Variants in NAALADL2 observed in about 807,000 individuals in gnomAD.
The protein encoded by NAALADL2 is N-acetylated alpha-linked acidic dipeptidase like 2.
Under a neutral mutation model 87.2 loss-of-function variants are expected in NAALADL2, and 76 were observed. The observed-to-expected ratio is 0.87, with a 90% CI of 0.72 to 1.05. NAALADL2 has a LOEUF of 1.05. NAALADL2 is among the 50% of genes least tolerant of loss of function. The pLI, the probability that NAALADL2 is intolerant of heterozygous loss-of-function variation, is 0.00. For missense variants in NAALADL2, 1,089 were observed against 945.8 expected (o/e 1.15, Z -1.99); for synonymous variants, 354 against 331.0 (o/e 1.07, Z -0.75).
chr3:175,293,452 T>A (rs1163434975), intron 4 of NAALADL2, among the ~76,000 whole-genome samples: 1 of 152,248 alleles, frequency 6.6e-6, no homozygotes, highest in Admixed American at 6.5e-5. Context: ...AACTGTTTTT[T>A]CTTCTGAGCA....
intron 2 of NAALADL2, among the ~76,000 whole-genome samples, chr3:175,200,409 G>A (rs1739851716): frequency 6.6e-6 from 1 of 151,726 alleles, no homozygotes; most frequent in African/African-American, 2.4e-5. Context: ...AAGCAAAAAA[G>A]TGTTTAAACA....
intron 3 of NAALADL2, among the ~76,000 whole-genome samples, chr3:174,823,017 A>G (rs1721596320): frequency 6.6e-6 from 1 of 152,214 alleles, no homozygotes; most frequent in African/African-American, 2.4e-5. Context: ...CTTGAATATA[A>G]TATTTCGGTA....
At chr3:175,389,301 T>C (rs1180594108) in intron 5 of NAALADL2, among the ~76,000 whole-genome samples, 1 of 152,186 alleles carries the variant, frequency 6.6e-6, no homozygotes, top group Admixed American at 6.5e-5. Context: ...CTCTAATTAC[T>C]GGCAACGACG....
At chr3:175,600,607 G>A (rs1722843042) in intron 10 of NAALADL2, among the ~76,000 whole-genome samples, 2 of 125,086 alleles carry the variant, frequency 1.6e-5, no homozygotes, top group East Asian at 2.7e-4. Flanking sequence ...GCGCGATCTC[G>A]GCTCACTGCA....
intron 2 of NAALADL2, among the ~76,000 whole-genome samples, chr3:174,586,778 T>G (rs1716769933): frequency 6.6e-6 from 1 of 152,156 alleles, no homozygotes; most frequent in East Asian, 1.9e-4. Context: ...AAGGTATGCT[T>G]ATGTTATTGC....
At chr3:175,411,768 C>G (rs1314074214) in intron 5 of NAALADL2, among the ~76,000 whole-genome samples, 2 of 151,988 alleles carry the variant, frequency 1.3e-5, no homozygotes, top group Admixed American at 1.3e-4. Context: ...TGGTAATGAA[C>G]TATTTTAAAA....
intron 2 of NAALADL2, among the ~76,000 whole-genome samples, chr3:174,697,034 A>G (rs919799499): frequency 6.6e-6 from 1 of 152,198 alleles, no homozygotes; most frequent in Non-Finnish European, 1.5e-5. Flanking sequence ...TTTAAATTGT[A>G]AAAGCATTTC....
chr3:175,116,332 C>T (rs1375768008), intron 2 of NAALADL2, among the ~76,000 whole-genome samples: 2 of 152,008 alleles, frequency 1.3e-5, no homozygotes, highest in Non-Finnish European at 2.9e-5. Flanking sequence ...ATTTAGAAAA[C>T]CCCATCATCT....
chr3:174,749,102 A>C (rs1312346689), intron 3 of NAALADL2, among the ~76,000 whole-genome samples: 1 of 152,064 alleles, frequency 6.6e-6, no homozygotes, highest in African/African-American at 2.4e-5. Flanking sequence ...ATATGCTTTC[A>C]CATCCCCTGT....
chr3:175,463,512 T>A lies in NAALADL2; in HGVS notation c.1327+19T>A. ...TCTCCAGGTAAGTAGGGTTGAAAAT[T>A]TATAATCTACACTTTATATGAAACT... On this transcript the variant is annotated intron_variant, in intron 7 of 13. Transcript: ENST00000454872. 1 of 1,334,786 alleles carries A rather than the reference T, an allele frequency of 7.5e-7. No homozygotes were observed. Among genetic ancestry groups the A allele is most frequent in the Non-Finnish European group, 1.1e-6 (1 of 946,590 alleles). The allele number at this position is 1,334,786 out of a possible 1,614,324, so 82.7% of individuals were successfully genotyped here.
chr3:175,258,021 C>T (rs1432568766), intron 4 of NAALADL2, among the ~76,000 whole-genome samples: 1 of 151,788 alleles, frequency 6.6e-6, no homozygotes, highest in Non-Finnish European at 1.5e-5. Flanking sequence ...TTAAATGAAA[C>T]GATGGGGCCA....
chr3:174,814,373 C>G (rs912754367), intron 3 of NAALADL2, among the ~76,000 whole-genome samples: 3 of 152,082 alleles, frequency 2.0e-5, no homozygotes, highest in African/African-American at 7.2e-5. Flanking sequence ...TCCCAAAGTG[C>G]TGGGATTACA....
At chr3:174,457,823 A>C (rs1412650504) in intron 1 of NAALADL2, among the ~76,000 whole-genome samples, 1 of 152,130 alleles carries the variant, frequency 6.6e-6, no homozygotes, top group Non-Finnish European at 1.5e-5. Flanking sequence ...AAAAACAAAA[A>C]AAAAAAGAGG....
At chr3:175,698,504 A>ATATATATATATATATATATATATATAT (rs1278192087) in intron 11 of NAALADL2, among the ~76,000 whole-genome samples, 10 of 86,988 alleles carry the variant, frequency 1.1e-4, no homozygotes, top group African/African-American at 3.1e-4. Flanking sequence ...TATATATATA[A>ATATATATATATATATATATATATATAT]AATCTCCAAG....
At chr3:175,329,429 G>C (rs1274638351) in intron 5 of NAALADL2, among the ~76,000 whole-genome samples, 3 of 152,138 alleles carry the variant, frequency 2.0e-5, no homozygotes, top group Non-Finnish European at 4.4e-5. Flanking sequence ...GAATATCACT[G>C]TAATTTGTGA....
intron 1 of NAALADL2, among the ~76,000 whole-genome samples, chr3:174,504,041 C>T (rs546105133): frequency 9.9e-5 from 15 of 152,210 alleles, no homozygotes; most frequent in African/African-American, 3.6e-4. Context: ...CAAAATGTTA[C>T]TATAAGCTGT....
intron 2 of NAALADL2, among the ~76,000 whole-genome samples, chr3:174,594,846 T>C (rs994718139): frequency 6.6e-6 from 1 of 152,222 alleles, no homozygotes; most frequent in African/African-American, 2.4e-5. Flanking sequence ...GTTGAAATCC[T>C]AGTGCCACTT....
chr3:174,847,617 T>C (rs756831615), intron 3 of NAALADL2, among the ~76,000 whole-genome samples: 2 of 152,154 alleles, frequency 1.3e-5, no homozygotes, highest in African/African-American at 4.8e-5. Flanking sequence ...ATCTTATTAC[T>C]TGCCTGACAG....
At chr3:174,859,256 G>A (rs1428979497), upstream of NAALADL2, 1 of 624,232 alleles carries the variant, frequency 1.6e-6, no homozygotes, top group East Asian at 2.8e-5. Context: ...GCAAGCCCAG[G>A]TAACTCAGGA....
Sources: allele counts gnomAD v4.1 joint callset (sites outside exome capture counted in the v4.1 genomes callset), GRCh38; gene constraint gnomAD v4.1.1; transcripts MANE v1.5; gene names NCBI Gene and HGNC (gene_info 2026-07-23, HGNC 2026-07-21).